CTNNA3: variants seen among roughly 807,000 people sequenced by gnomAD.
CTNNA3 encodes catenin alpha 3.
CTNNA3 carries 76 observed loss-of-function variants against 95.7 expected under a neutral mutation model. The observed-to-expected ratio is 0.79, with a 90% confidence interval of 0.66 to 0.96. The LOEUF is 0.96. CTNNA3 is among the 40% of genes least tolerant of loss of function. The pLI is 0.00. For synonymous variants in CTNNA3, 431 were observed against 374.4 expected (o/e 1.15, Z -1.74); for missense variants, 1,191 against 1,089.8 (o/e 1.09, Z -1.31).
intron 5 of CTNNA3, among the ~76,000 whole-genome samples, chr10:67,498,175 C>G (rs76613696): frequency 6.6e-6 from 1 of 152,148 alleles, no homozygotes; most frequent in South Asian, 2.1e-4. Context: ...TTCCCAACAC[C>G]ATTTATTAAA....
chr10:66,575,041 C>G (rs1842967281), intron 10 of CTNNA3, among the ~76,000 whole-genome samples: 2 of 152,042 alleles, frequency 1.3e-5, no homozygotes, highest in African/African-American at 4.8e-5. Flanking sequence ...AGTCTTCTAG[C>G]TATATTATTT....
chr10:66,805,115 T>C (rs1375783798), intron 7 of CTNNA3, among the ~76,000 whole-genome samples: 1 of 152,054 alleles, frequency 6.6e-6, no homozygotes, highest in African/African-American at 2.4e-5. Context: ...GTCGTCACAA[T>C]TTGTTGCTGG....
intron 13 of CTNNA3, among the ~76,000 whole-genome samples, chr10:66,107,482 C>A (rs114311662): frequency 0.012 from 1,788 of 152,188 alleles, 44 homozygotes; most frequent in African/African-American, 0.041. Flanking sequence ...CTGTTGCTAT[C>A]TCACTTGATT....
chr10:67,075,757 C>T (rs1217868710), intron 7 of CTNNA3, among the ~76,000 whole-genome samples: 1 of 152,156 alleles, frequency 6.6e-6, no homozygotes. Flanking sequence ...GTTAGGAGGC[C>T]TTGGCAAATG....
chr10:66,868,086 G>A (rs376983037), intron 7 of CTNNA3, among the ~76,000 whole-genome samples: 2 of 150,312 alleles, frequency 1.3e-5, no homozygotes, highest in South Asian at 4.3e-4. Flanking sequence ...GCCAGGCATG[G>A]TGGCTCATGC....
chr10:66,448,036 C>T (rs966560912), intron 11 of CTNNA3, among the ~76,000 whole-genome samples: 8 of 152,124 alleles, frequency 5.3e-5, no homozygotes, highest in Non-Finnish European at 1.2e-4. Flanking sequence ...AGATACTTCT[C>T]AAAAGAAGAC....
chr10:66,660,277 C>T (rs1846218261), intron 9 of CTNNA3, among the ~76,000 whole-genome samples: 1 of 152,132 alleles, frequency 6.6e-6, no homozygotes, highest in African/African-American at 2.4e-5. Flanking sequence ...CTCAAGATGC[C>T]AGTGTGGTTC....
chr10:66,401,658 C>CTT (rs540003137), intron 11 of CTNNA3, among the ~76,000 whole-genome samples: 4,525 of 116,232 alleles, frequency 0.039, 266 homozygotes, highest in Middle Eastern at 0.049. Context: ...CCATTTCTTT[C>CTT]TTTTTTTTTT....
At chr10:66,254,534 C>T (rs1369638724) in intron 13 of CTNNA3, among the ~76,000 whole-genome samples, 2 of 152,182 alleles carry the variant, frequency 1.3e-5, no homozygotes, top group African/African-American at 2.4e-5. Flanking sequence ...TGAGGTGCCT[C>T]GCTGTACTCT....
At chr10:67,211,712 A>G (rs10997574) in intron 6 of CTNNA3, among the ~76,000 whole-genome samples, 26,045 of 152,080 alleles carry the variant, frequency 0.17, 3,125 homozygotes, top group African/African-American at 0.34. Context: ...TCAAGACCTA[A>G]TTGTATTCCA....
chr10:66,675,506 G>A (rs1326990128), intron 9 of CTNNA3, among the ~76,000 whole-genome samples: 1 of 152,066 alleles, frequency 6.6e-6, no homozygotes, highest in African/African-American at 2.4e-5. Context: ...TCTATGTAAT[G>A]TCATGTTAAG....
chr10:66,056,964 C>A (rs1047013698), intron 15 of CTNNA3, among the ~76,000 whole-genome samples: 1 of 152,152 alleles, frequency 6.6e-6, no homozygotes, highest in Non-Finnish European at 1.5e-5. Flanking sequence ...AGCCAACTTA[C>A]CTATATTTGC....
At chr10:66,456,663 A>G (rs954686580) in intron 11 of CTNNA3, among the ~76,000 whole-genome samples, 5 of 96,922 alleles carry the variant, frequency 5.2e-5, no homozygotes, top group Non-Finnish European at 1.0e-4. Flanking sequence ...GCAACAGAGC[A>G]AGACTCCATC....
At chr10:67,475,222 A>G (rs543005041) in intron 5 of CTNNA3, among the ~76,000 whole-genome samples, 2 of 152,308 alleles carry the variant, frequency 1.3e-5, no homozygotes, top group South Asian at 4.1e-4. Flanking sequence ...AAAAAGACAA[A>G]ACTACAAGGA....
chr10:66,037,673 G>T (rs201014785), intron 15 of CTNNA3, among the ~76,000 whole-genome samples: 690 of 9,958 alleles, frequency 0.069, 2 homozygotes, highest in South Asian at 0.13. Context: ...ATTCCAGTAC[G>T]GTCAAGAAAA....
rs996271716 is a variant in CTNNA3 at position 66,379,044 on chromosome 10, G to A, written c.1732+108C>T. ...GTGCAAGCACTGTATAGCAATGTAT[G>A]TCAAAAGAAGCAACACAGACTAGAA... is the stretch of plus-strand genomic sequence containing the variant. On this transcript the variant is annotated intron_variant, in intron 12 of 17. Transcript: ENST00000433211. 32 of 931,742 alleles carry A rather than the reference G, an allele frequency of 3.4e-5. No individual in the cohort carries two copies. The African/African-American group carries it at 4.9e-4, about 14-fold the overall frequency. The allele number at this position is 931,742 out of a possible 1,614,324, so 57.7% of individuals were successfully genotyped here. A position where few individuals can be genotyped will look rare whatever the true frequency, so the allele number is the denominator to read the frequency against.
intron 7 of CTNNA3, among the ~76,000 whole-genome samples, chr10:66,868,666 G>A (rs990298022): frequency 4.0e-5 from 6 of 151,136 alleles, no homozygotes; most frequent in Non-Finnish European, 8.8e-5. Context: ...CAGGAGAATC[G>A]CCTGAACCCA....
At chr10:67,536,064 T>G (rs1589400246) in intron 4 of CTNNA3, among the ~76,000 whole-genome samples, 2 of 151,940 alleles carry the variant, frequency 1.3e-5, no homozygotes, top group African/African-American at 4.8e-5. Context: ...CCATGTCGAG[T>G]AGATCAAAAT....
chr10:66,907,422 C>G (rs558892304), intron 7 of CTNNA3, among the ~76,000 whole-genome samples: 2 of 152,232 alleles, frequency 1.3e-5, no homozygotes, highest in East Asian at 3.9e-4. Context: ...GGTAGACAAT[C>G]CATAATCTAC....
Sources: gnomAD v4.1 joint callset for allele counts (sites outside exome capture counted in the v4.1 genomes callset) on GRCh38, gnomAD v4.1.1 for gene constraint, MANE v1.5 for transcripts, NCBI Gene and HGNC (gene_info 2026-07-23, HGNC 2026-07-21) for gene names.